The following ARHGEF4 variants were observed in gnomAD, a reference collection of about 807,000 sequenced individuals.
ARHGEF4 encodes APC-stimulated guanine nucleotide exchange factor 1.
ARHGEF4 carries 119 observed loss-of-function variants against 162.0 expected under a neutral mutation model. The ratio of observed to expected loss-of-function variants is 0.73; its 90% CI spans 0.63 to 0.86. The LOEUF (loss-of-function observed/expected upper bound fraction) is 0.86. Among genes scored for constraint, ARHGEF4 ranks in the 40% least tolerant of loss-of-function variants. ARHGEF4 has a pLI of 0.00. For missense variants in ARHGEF4, 2,488 were observed against 2,456.0 expected, an observed-to-expected ratio of 1.01 and a Z score of -0.28; for synonymous variants, 1,014 against 979.9, an observed-to-expected ratio of 1.03 and a Z score of -0.65.
intron 4 of ARHGEF4, among the ~76,000 whole-genome samples, chr2:130,978,016 A>T (rs1685870698): frequency 6.6e-6 from 1 of 152,214 alleles, no homozygotes; most frequent in African/African-American, 2.4e-5. Context: ...GCAAGGAGGC[A>T]TCTGATGTGG....
At chr2:130,857,121 A>C (rs1681849341) in intron 1 of ARHGEF4, among the ~76,000 whole-genome samples, 1 of 152,190 alleles carries the variant, frequency 6.6e-6, no homozygotes, top group Admixed American at 6.5e-5. Flanking sequence ...AGTCCCAGCT[A>C]CTTGGGAGGC....
chr2:130,986,341 T>C (rs781552100), intron 4 of ARHGEF4, among the ~76,000 whole-genome samples: 2 of 152,186 alleles, frequency 1.3e-5, no homozygotes, highest in Non-Finnish European at 2.9e-5. Flanking sequence ...GCCTAGTGTC[T>C]GCACTAAGGG....
At chr2:131,001,262 C>T (rs1558833683) in intron 4 of ARHGEF4, among the ~76,000 whole-genome samples, 1 of 138,364 alleles carries the variant, frequency 7.2e-6, no homozygotes, top group Non-Finnish European at 1.5e-5. Context: ...GAGATTGCAC[C>T]ACTGCACTCC....
intron 1 of ARHGEF4, among the ~76,000 whole-genome samples, chr2:130,868,908 C>G (rs1381317452): frequency 6.6e-6 from 1 of 152,224 alleles, no homozygotes; most frequent in South Asian, 2.1e-4. Context: ...TTATGGCACC[C>G]CCGTCCTTAA....
intron 4 of ARHGEF4, among the ~76,000 whole-genome samples, chr2:130,993,746 G>A (rs1687202681): frequency 6.6e-6 from 1 of 152,072 alleles, no homozygotes; most frequent in Admixed American, 6.6e-5. Context: ...GCTAGAGTCT[G>A]TAGGACATAT....
intron 1 of ARHGEF4, among the ~76,000 whole-genome samples, chr2:130,879,718 G>T (rs1175823518): frequency 1.3e-5 from 2 of 152,032 alleles, no homozygotes; most frequent in Non-Finnish European, 2.9e-5. Flanking sequence ...TTTTACTTGC[G>T]TAATGGCCTC....
At chr2:130,946,833 T>A in intron 4 of ARHGEF4, 198 bp downstream of exon 4, 1 of 643,816 alleles carries the variant, frequency 1.6e-6, no homozygotes, top group Non-Finnish European at 2.4e-6. Flanking sequence ...CTGGGCACAG[T>A]GGCTCATGCC....
intron 4 of ARHGEF4, among the ~76,000 whole-genome samples, chr2:130,974,509 G>A (rs958509884): frequency 6.6e-6 from 1 of 151,918 alleles, no homozygotes; most frequent in Non-Finnish European, 1.5e-5. Flanking sequence ...GCAATAGCAT[G>A]ATCTTGGCTC....
intron 4 of ARHGEF4, among the ~76,000 whole-genome samples, chr2:130,990,343 G>T (rs1311478392): frequency 6.6e-6 from 1 of 152,122 alleles, no homozygotes; most frequent in Non-Finnish European, 1.5e-5. Context: ...GAATTGAAAA[G>T]TTCACCAGTC....
chr2:131,036,543 C>T lies in ARHGEF4; in HGVS notation c.4126-2310C>T, dbSNP rs781146090. On this transcript the variant is annotated intron_variant, in intron 5 of 13. Transcript: ENST00000409359. The stretch of plus-strand genomic sequence containing the variant: ...CTCTCTGTGAAGCCCTCCTCTTGCC[C>T]GACACCTGGTGACCTTCCCTGGCAG... Among the ~76,000 whole-genome samples the T allele has an allele frequency of 3.9e-5, 6 of 152,206 alleles. No individual in the cohort carries two copies. In the East Asian group the frequency reaches 9.6e-4, roughly 24 times the overall value.
chr2:130,936,460 G>A (rs1682949788), intron 3 of ARHGEF4, among the ~76,000 whole-genome samples: 1 of 152,162 alleles, frequency 6.6e-6, no homozygotes, highest in Admixed American at 6.6e-5. Flanking sequence ...TTTGTCTGGT[G>A]CTGGTCTAGA....
At chr2:130,838,880 C>T (rs1272893354) in intron 1 of ARHGEF4, among the ~76,000 whole-genome samples, 2 of 152,216 alleles carry the variant, frequency 1.3e-5, no homozygotes, top group African/African-American at 4.8e-5. Context: ...CACTGGACAT[C>T]TCTGGGCAGC....
chr2:131,019,251 A>G (rs1330998359), intron 4 of ARHGEF4, among the ~76,000 whole-genome samples: 2 of 152,038 alleles, frequency 1.3e-5, no homozygotes, highest in Admixed American at 1.3e-4. Context: ...TGTCTATACT[A>G]AAAATACAAG....
At chr2:130,927,460 G>A (rs2105093253) in intron 2 of ARHGEF4, among the ~76,000 whole-genome samples, 1 of 152,340 alleles carries the variant, frequency 6.6e-6, no homozygotes, top group East Asian at 1.9e-4. Flanking sequence ...CCCATGACAG[G>A]TGAGGTTGGG....
Position 131,015,662 on chromosome 2 carries a change from G to A in ARHGEF4, c.3986-12283G>A, listed in dbSNP as rs183645307. Reference sequence around the variant, plus strand: ...CCCAGCACTTTGGGAAGCCAAGGGCGGATCACCTGAGGTCAGGAGTTCAAG... The same window carrying A: ...CCCAGCACTTTGGGAAGCCAAGGGCAGATCACCTGAGGTCAGGAGTTCAAG... On this transcript the variant is annotated intron_variant, in intron 4 of 13. Coordinates refer to ENST00000409359, the MANE Select transcript of ARHGEF4 (RefSeq NM_001367493.1). Among the ~76,000 whole-genome samples the A allele has an allele frequency of 2.3e-3, 352 of 152,308 alleles. 1 individual carries two copies. Among genetic ancestry groups the A allele is most frequent in the Admixed American group, 0.014 (217 of 15,296 alleles).
intron 4 of ARHGEF4, chr2:130,964,143 C>G: frequency 6.1e-6 from 6 of 984,440 alleles, no homozygotes; most frequent in Middle Eastern, 5.2e-4. Context: ...CGGGCTCCGA[C>G]TCGGACAGCA....
intron 4 of ARHGEF4, among the ~76,000 whole-genome samples, chr2:130,977,228 ATG>A (rs1429976084): frequency 1.3e-5 from 2 of 148,800 alleles, no homozygotes; most frequent in South Asian, 2.1e-4. Context: ...TGTGCGTGTG[ATG>A]TGTGTGGTGT....
chr2:131,011,178 A>T (rs1306370419), intron 4 of ARHGEF4, among the ~76,000 whole-genome samples: 1 of 152,212 alleles, frequency 6.6e-6, no homozygotes, highest in Non-Finnish European at 1.5e-5. Flanking sequence ...TTGAACCTGA[A>T]TCCAAAAGGT....
At chr2:130,998,769 C>CT (rs2105304079) in intron 4 of ARHGEF4, among the ~76,000 whole-genome samples, 1 of 152,324 alleles carries the variant, frequency 6.6e-6, no homozygotes, top group East Asian at 1.9e-4. Context: ...AATAAAGCTG[C>CT]TATAAACATT....
Sources: allele counts gnomAD v4.1 joint callset (sites outside exome capture counted in the v4.1 genomes callset), GRCh38; gene constraint gnomAD v4.1.1; transcripts MANE v1.5; gene names NCBI Gene and HGNC (gene_info 2026-07-23, HGNC 2026-07-21).